The following SPOCK1 variants were observed in gnomAD, a reference collection of about 807,000 sequenced individuals.
The protein encoded by SPOCK1 is SPARC (osteonectin), cwcv and kazal like domains proteoglycan 1.
SPOCK1 carries 23 observed loss-of-function variants against 55.3 expected under a neutral mutation model. The ratio of observed to expected loss-of-function variants is 0.42; its 90% confidence interval spans 0.30 to 0.59. The LOEUF (loss-of-function observed/expected upper bound fraction) is 0.59. SPOCK1 is among the 20% of genes least tolerant of loss of function. SPOCK1 has a pLI of 0.22. For missense variants in SPOCK1, 499 were observed against 552.5 expected (o/e 0.90, Z 0.97); for synonymous variants, 226 against 221.0 (o/e 1.02, Z -0.20).
At chr5:137,014,341 A>G (rs1324043217) in intron 6 of SPOCK1, among the ~76,000 whole-genome samples, 1 of 152,070 alleles carries the variant, frequency 6.6e-6, no homozygotes, top group Non-Finnish European at 1.5e-5. Context: ...TTCCTTATAA[A>G]TTACCCAGTC....
intron 3 of SPOCK1, among the ~76,000 whole-genome samples, chr5:137,160,508 T>TAC (rs1345588977): frequency 3.3e-5 from 3 of 90,010 alleles, no homozygotes; most frequent in African/African-American, 4.7e-5. Context: ...TATATATATA[T>TAC]ACACATATAT....
intron 2 of SPOCK1, among the ~76,000 whole-genome samples, chr5:137,337,887 T>G (rs1750318888): frequency 6.6e-6 from 1 of 152,156 alleles, no homozygotes; most frequent in African/African-American, 2.4e-5. Flanking sequence ...AAGAATACAC[T>G]CTGGCCACTA....
At chr5:137,496,909 A>G (rs114220939) in intron 2 of SPOCK1, among the ~76,000 whole-genome samples, 128 of 152,330 alleles carry the variant, frequency 8.4e-4, no homozygotes, top group African/African-American at 3.0e-3. Context: ...GGCCCCAAAT[A>G]GCTGTGGCTA....
chr5:137,098,594 A>C (rs1278623853), intron 5 of SPOCK1, among the ~76,000 whole-genome samples: 2 of 152,212 alleles, frequency 1.3e-5, no homozygotes, highest in African/African-American at 4.8e-5. Context: ...TGCAGTCAGA[A>C]GACAAAGTGG....
intron 2 of SPOCK1, among the ~76,000 whole-genome samples, chr5:137,414,278 G>T (rs1302274707): frequency 1.3e-5 from 2 of 152,208 alleles, no homozygotes; most frequent in Non-Finnish European, 2.9e-5. Flanking sequence ...GAGCAGGCCA[G>T]TATTTCTGAG....
At chr5:137,132,552 T>C (rs1753905528) in intron 4 of SPOCK1, among the ~76,000 whole-genome samples, 1 of 152,172 alleles carries the variant, frequency 6.6e-6, no homozygotes, top group Non-Finnish European at 1.5e-5. Context: ...CTTAATGCCA[T>C]TTTACTGGAA....
At chr5:137,313,561 T>A (rs1757823745) in intron 2 of SPOCK1, 6 of 877,488 alleles carry the variant, frequency 6.8e-6, no homozygotes, top group Non-Finnish European at 8.2e-6. Flanking sequence ...GCCTCCTACC[T>A]CCTCTTAAAA....
At chr5:137,356,708 T>C (rs572437021) in intron 2 of SPOCK1, among the ~76,000 whole-genome samples, 23 of 147,906 alleles carry the variant, frequency 1.6e-4, no homozygotes, top group Middle Eastern at 6.9e-3. Context: ...CGAGAATCAC[T>C]TGAACCCATG....
intron 2 of SPOCK1, among the ~76,000 whole-genome samples, chr5:137,289,902 A>T (rs1757336450): frequency 6.6e-6 from 1 of 152,238 alleles, no homozygotes; most frequent in South Asian, 2.1e-4. Flanking sequence ...CCCATAGGCC[A>T]AAATATACCA....
At chr5:137,480,303 TCACACACACACACACACA>T (rs6149262) in intron 2 of SPOCK1, among the ~76,000 whole-genome samples, 5 of 140,114 alleles carry the variant, frequency 3.6e-5, no homozygotes, top group African/African-American at 1.1e-4. Flanking sequence ...TTGCTCTCCT[TCACACACACACACACACA>T]CACACACACA....
At chr5:137,233,598 G>C (rs1756114320) in intron 3 of SPOCK1, among the ~76,000 whole-genome samples, 1 of 151,846 alleles carries the variant, frequency 6.6e-6, no homozygotes, top group Non-Finnish European at 1.5e-5. Context: ...GGGGACTGGG[G>C]ACCCCTGCTA....
chr5:137,160,541 A>ATATATAATATATTATATAT (rs1491197484), intron 3 of SPOCK1, among the ~76,000 whole-genome samples: 8 of 43,354 alleles, frequency 1.8e-4, no homozygotes, highest in African/African-American at 8.3e-4. Context: ...AAAATATATA[A>ATATATAATATATTATATAT]TATATATAAT....
chr5:137,429,793 G>C (rs1158189018), intron 2 of SPOCK1, among the ~76,000 whole-genome samples: 2 of 152,206 alleles, frequency 1.3e-5, no homozygotes, highest in African/African-American at 2.4e-5. Context: ...ACCCAAAAGA[G>C]AGGAGAAAAA....
chr5:137,213,777 G>T (rs1755662189), intron 3 of SPOCK1, among the ~76,000 whole-genome samples: 1 of 152,156 alleles, frequency 6.6e-6, no homozygotes, highest in Non-Finnish European at 1.5e-5. Context: ...TGGGAGAATG[G>T]TTATTACTGT....
At chr5:137,410,022 C>T (rs1170430592) in intron 2 of SPOCK1, among the ~76,000 whole-genome samples, 3 of 152,240 alleles carry the variant, frequency 2.0e-5, no homozygotes, top group Non-Finnish European at 4.4e-5. Flanking sequence ...CATGAGCCAC[C>T]TCCCACTGCC....
At chr5:137,238,132 G>C in intron 3 of SPOCK1, among the ~76,000 whole-genome samples, 1 of 152,170 alleles carries the variant, frequency 6.6e-6, no homozygotes, top group African/African-American at 2.4e-5. Flanking sequence ...GGGCTGTAGA[G>C]AGAATTAAAA....
intron 6 of SPOCK1, among the ~76,000 whole-genome samples, chr5:137,050,638 T>A (rs769483178): frequency 6.6e-6 from 1 of 152,136 alleles, no homozygotes; most frequent in Admixed American, 6.5e-5. Flanking sequence ...ACCGGAGCTG[T>A]TCCTATTCGG....
chr5:137,088,591 C>T (rs774825887), intron 5 of SPOCK1, among the ~76,000 whole-genome samples: 2 of 152,138 alleles, frequency 1.3e-5, no homozygotes, highest in Non-Finnish European at 2.9e-5. Context: ...CCCCAGTCCT[C>T]CAGATATCAT....
At chr5:137,393,005 C>A (rs1751758788) in intron 2 of SPOCK1, among the ~76,000 whole-genome samples, 1 of 152,166 alleles carries the variant, frequency 6.6e-6, no homozygotes, top group Admixed American at 6.5e-5. Flanking sequence ...AGAAAATGGG[C>A]AGACCCAGCC....
Sources: gnomAD v4.1 joint callset for allele counts (sites outside exome capture counted in the v4.1 genomes callset) on GRCh38, gnomAD v4.1.1 for gene constraint, MANE v1.5 for transcripts, NCBI Gene and HGNC (gene_info 2026-07-23, HGNC 2026-07-21) for gene names.